Variants in CSF2RA observed in about 807,000 individuals in gnomAD.
CSF2RA encodes granulocyte-macrophage colony-stimulating factor receptor subunit alpha.
A neutral mutation model predicts 51.6 loss-of-function variants in CSF2RA; 42 were observed. The ratio of observed to expected loss-of-function variants is 0.81; its 90% CI spans 0.64 to 1.05. The LOEUF is 1.05. Among genes scored for constraint, CSF2RA ranks in the 50% least tolerant of loss-of-function variants. The pLI, the probability that CSF2RA is intolerant of heterozygous loss-of-function variation, is 0.00. For missense variants in CSF2RA, 530 were observed against 501.1 expected, an observed-to-expected ratio of 1.06 and a Z score of -0.55; for synonymous variants, 222 against 193.0, an observed-to-expected ratio of 1.15 and a Z score of -1.24.
At position 1,289,566 on chromosome X, in the gene CSF2RA, C is replaced by T. The variant is rs775895481; in HGVS notation, c.473+678C>T. Among the ~76,000 whole-genome samples the T allele has an allele frequency of 4.1e-5, 6 of 147,300 alleles. No homozygotes were observed. The South Asian group carries it at 1.1e-3, about 27-fold the overall frequency. ...TTGTTTTTGTGTTTTTTTGGTTTCA[C>T]GTTTTTGTGGTGTTTTGTGTTTTTG... On this transcript the variant is annotated intron_variant, in intron 6 of 12. Coordinates refer to ENST00000381529, the MANE Select transcript of CSF2RA (RefSeq NM_172245.4).
chrX:1,297,087 G>A (rs1603431160), intron 9 of CSF2RA, among the ~76,000 whole-genome samples: 1 of 63,950 alleles, frequency 1.6e-5, no homozygotes, highest in South Asian at 6.3e-4. Context: ...ATGACCCCTG[G>A]CGGAACCCTA....
At position 1,284,195 on chromosome X, in the gene CSF2RA, C is replaced by CTTTT. The variant is rs752104115; in HGVS notation, c.76+1439_76+1442dup. ...CAAGCGGTTTTCTTTCTCTGTCTCT[C>CTTTT]TTTTTTTTTTTTTTTTTTTTTTTTT... On this transcript the variant is annotated intron_variant, in intron 3 of 12. Coordinates refer to ENST00000381529, the MANE Select transcript of CSF2RA (RefSeq NM_172245.4). Among the ~76,000 whole-genome samples, 109 of 91,782 alleles carry CTTTT rather than the reference C, an allele frequency of 1.2e-3. 2 individuals carry two copies. Among genetic ancestry groups the CTTTT allele is most frequent in the African/African-American group, 3.8e-3 (97 of 25,410 alleles). 60.2% of individuals were successfully genotyped at this position (91,782 alleles called of 152,430 possible). A position where few individuals can be genotyped will look rare whatever the true frequency, so the allele number is the denominator to read the frequency against.
At chrX:1,273,602 T>C (rs1274794819) in intron 1 of CSF2RA, among the ~76,000 whole-genome samples, 1 of 143,550 alleles carries the variant, frequency 7.0e-6, no homozygotes, top group South Asian at 2.3e-4. Context: ...GTGCTGGGAT[T>C]ATAGGCGTGA....
In CSF2RA at chrX:1,288,269, G is replaced by C. The variant is rs1260074445; in HGVS notation, c.220-250G>C. Among the ~76,000 whole-genome samples the C allele has an allele frequency of 2.0e-5, 3 of 148,684 alleles. No individual in the cohort carries two copies. In the South Asian group the frequency reaches 6.5e-4, roughly 32 times the overall value. ...GGCCGAGGCGGGTGGATCACCTGAG[G>C]TCAGGAGTTTGAGACCAGCCTGGCC... On this transcript the variant is annotated intron_variant, in intron 4 of 12. Transcript: ENST00000381529.
chrX:1,281,235 C>CTCCTCCTTCTCCTCT, intron 2 of CSF2RA, among the ~76,000 whole-genome samples: 1 of 111,908 alleles, frequency 8.9e-6, no homozygotes, highest in East Asian at 3.3e-4. Context: ...CCTTCTCCTA[C>CTCCTCCTTCTCCTCT]TCCTCCTTCT....
downstream of CSF2RA, among the ~76,000 whole-genome samples, chrX:1,315,003 CCACTGCACCTGCCCAACCA>C (rs1242382389): frequency 1.2e-3 from 83 of 69,604 alleles, 8 homozygotes; most frequent in African/African-American, 3.3e-3. Flanking sequence ...CTGCCCAACC[CCACTGCACCTGCCCAACCA>C]CACTGCACCA....
chrX:1,316,850 G>A, the CSF2RA span, among the ~76,000 whole-genome samples: 1 of 152,240 alleles, frequency 6.6e-6, no homozygotes, highest in Non-Finnish European at 1.5e-5. Context: ...AGGCGTTGAG[G>A]GCGTGGGGCC....
At chrX:1,308,926 T>G (rs747876592) in intron 12 of CSF2RA, among the ~76,000 whole-genome samples, 3 of 152,266 alleles carry the variant, frequency 2.0e-5, no homozygotes, top group South Asian at 2.1e-4. Flanking sequence ...TCTCAGATCT[T>G]TACCCCAGGA....
At chrX:1,323,961 C>G in the CSF2RA span, among the ~76,000 whole-genome samples, 1 of 151,894 alleles carries the variant, frequency 6.6e-6, no homozygotes, top group Non-Finnish European at 1.5e-5. Context: ...TTGTGGTGAG[C>G]CAAGATCACC....
At chrX:1,315,299 A>G (rs1402345172), downstream of CSF2RA, among the ~76,000 whole-genome samples, 1 of 152,156 alleles carries the variant, frequency 6.6e-6, no homozygotes, top group Non-Finnish European at 1.5e-5. Context: ...ATGACAGATG[A>G]AAAATATATA....
At chrX:1,280,316 G>A (rs1391133177) in intron 2 of CSF2RA, among the ~76,000 whole-genome samples, 3 of 151,774 alleles carry the variant, frequency 2.0e-5, no homozygotes, top group Non-Finnish European at 4.4e-5. Flanking sequence ...TACTAAAAAT[G>A]CAAAATTAGC....
At chrX:1,323,034 C>T in the CSF2RA span, among the ~76,000 whole-genome samples, 2 of 151,868 alleles carry the variant, frequency 1.3e-5, no homozygotes, top group Non-Finnish European at 2.9e-5. Context: ...GAGGCTGAGG[C>T]AGGAGAATGG....
At chrX:1,287,399 T>G (rs370561828) in intron 4 of CSF2RA, among the ~76,000 whole-genome samples, 1,756 of 147,168 alleles carry the variant, frequency 0.012, 48 homozygotes, top group African/African-American at 0.041. Flanking sequence ...TGATCCACCC[T>G]CCTTGGCCTC....
intron 2 of CSF2RA, among the ~76,000 whole-genome samples, chrX:1,281,156 T>A (rs1210049550): frequency 9.7e-6 from 1 of 103,372 alleles, no homozygotes; most frequent in African/African-American, 4.1e-5. Context: ...CAGCTCCCCT[T>A]CTCCTCCTAC....
chrX:1,269,741 C>T (rs1193121382), intron 1 of CSF2RA, among the ~76,000 whole-genome samples: 2 of 151,888 alleles, frequency 1.3e-5, no homozygotes, highest in Admixed American at 6.6e-5. Context: ...ACTTCAAGAA[C>T]GGGTTCTGGG....
downstream of CSF2RA, among the ~76,000 whole-genome samples, chrX:1,312,881 A>T (rs2084246827): frequency 6.6e-6 from 1 of 151,864 alleles, no homozygotes; most frequent in South Asian, 2.1e-4. Context: ...TGACCTTTTG[A>T]TTCACAAGTC....
intron 7 of CSF2RA, among the ~76,000 whole-genome samples, chrX:1,291,758 C>CCT (rs2091423016): frequency 1.3e-5 from 2 of 148,824 alleles, no homozygotes; most frequent in Admixed American, 6.7e-5. Flanking sequence ...CCCTGTACCA[C>CCT]CTCCACCTGG....
At chrX:1,316,741 T>C in the CSF2RA span, among the ~76,000 whole-genome samples, 1 of 152,178 alleles carries the variant, frequency 6.6e-6, no homozygotes. Context: ...CATCCGTGCC[T>C]GCGTCTCTCA....
rs2088944103 is a variant in CSF2RA, at chrX:1,274,773, G to A, written c.-72G>A. 4.4e-6 allele frequency: 2 copies of A among 453,320 alleles called. No individual in the cohort carries two copies. The highest frequency in any genetic ancestry group is 1.6e-5 in the South Asian group (1 of 64,450). 28.1% of individuals were successfully genotyped at this position (453,320 alleles called of 1,614,324 possible). A position where few individuals can be genotyped will look rare whatever the true frequency, so the allele number is the denominator to read the frequency against. The stretch of plus-strand genomic sequence containing the variant: ...TTCACAGTTTACAGCAGGAAAATCC[G>A]TGGAGACAGCAGATCCGAGAAGCGG... On this transcript the variant is annotated 5_prime_UTR_variant, in exon 2 of 13. The change creates a new upstream start codon in the 5' untranslated region. Transcript: ENST00000381529.
Sources: gnomAD v4.1 joint callset for allele counts (sites outside exome capture counted in the v4.1 genomes callset) on GRCh38, gnomAD v4.1.1 for gene constraint, MANE v1.5 for transcripts, NCBI Gene and HGNC (gene_info 2026-07-23, HGNC 2026-07-21) for gene names.